Variants in TMEM132D observed in about 807,000 individuals in gnomAD.
The protein encoded by TMEM132D is transmembrane protein 132D.
A neutral mutation model predicts 62.3 loss-of-function variants in TMEM132D; 21 were observed. The observed-to-expected ratio is 0.34, with a 90% CI of 0.24 to 0.49. The LOEUF is 0.49. TMEM132D is among the 20% of genes least tolerant of loss of function. TMEM132D has a pLI of 0.99. For missense variants in TMEM132D, 1,346 were observed against 1,402.8 expected (o/e 0.96, Z 0.65); for synonymous variants, 621 against 575.6 (o/e 1.08, Z -1.13).
At chr12:129,213,579 C>T (rs1879114717) in intron 4 of TMEM132D, among the ~76,000 whole-genome samples, 4 of 152,324 alleles carry the variant, frequency 2.6e-5, no homozygotes, top group South Asian at 2.1e-4. Flanking sequence ...TTGCTTGGTT[C>T]CTGATTCTGC....
chr12:129,101,428 C>T (rs1290082248), intron 5 of TMEM132D, among the ~76,000 whole-genome samples: 1 of 152,104 alleles, frequency 6.6e-6, no homozygotes, highest in Non-Finnish European at 1.5e-5. Context: ...TACTGGAGTC[C>T]CCACCATTCC....
chr12:129,398,415 C>T (rs1871496356), intron 3 of TMEM132D, among the ~76,000 whole-genome samples: 2 of 152,184 alleles, frequency 1.3e-5, no homozygotes, highest in Non-Finnish European at 2.9e-5. Context: ...GAGCTCTTCC[C>T]TGGGGCTCAC....
intron 3 of TMEM132D, among the ~76,000 whole-genome samples, chr12:129,429,477 G>A (rs1045623663): frequency 1.3e-5 from 2 of 152,108 alleles, no homozygotes; most frequent in African/African-American, 4.8e-5. Context: ...GGGAGCTGGT[G>A]CCTTGGCTTC....
At chr12:129,473,330 T>TTTTG (rs1566081292) in intron 3 of TMEM132D, among the ~76,000 whole-genome samples, 2 of 130,426 alleles carry the variant, frequency 1.5e-5, no homozygotes, top group African/African-American at 6.2e-5. Context: ...TTTTGTTTTT[T>TTTTG]TTTTTTTTTT....
rs566154439 is a variant in TMEM132D, at chr12:129,077,567, CACAT to C, written c.2115+963_2115+966del. Among the ~76,000 whole-genome samples, 1,030 of 152,242 alleles carry C rather than the reference CACAT, an allele frequency of 6.8e-3. 14 individuals carry two copies. Among genetic ancestry groups the C allele is most frequent in the African/African-American group, 0.024 (978 of 41,532 alleles). ...ATGCATCACACACATACACACAACA[CACAT>C]ACACATATACATGCACACAGGCACC... On this transcript the variant is annotated intron_variant, in intron 8 of 8. Coordinates refer to ENST00000422113, the MANE Select transcript of TMEM132D (RefSeq NM_133448.3).
At chr12:129,221,723 A>G (rs543025896) in intron 4 of TMEM132D, among the ~76,000 whole-genome samples, 8 of 152,158 alleles carry the variant, frequency 5.3e-5, no homozygotes, top group African/African-American at 1.9e-4. Flanking sequence ...TCAGTAACCT[A>G]ATCAGTAGAA....
intron 4 of TMEM132D, among the ~76,000 whole-genome samples, chr12:129,294,362 C>G (rs1223604561): frequency 6.6e-6 from 1 of 152,120 alleles, no homozygotes; most frequent in Non-Finnish European, 1.5e-5. Context: ...CAATTGCCTT[C>G]CCTATCTGTC....
At chr12:129,182,535 G>A (rs1000890776) in intron 5 of TMEM132D, among the ~76,000 whole-genome samples, 2 of 152,222 alleles carry the variant, frequency 1.3e-5, no homozygotes, top group African/African-American at 4.8e-5. Context: ...ATGTGGAAGG[G>A]AGCGTGCTGG....
intron 3 of TMEM132D, among the ~76,000 whole-genome samples, chr12:129,490,616 T>A (rs1423189590): frequency 7.5e-6 from 1 of 132,620 alleles, no homozygotes; most frequent in East Asian, 2.3e-4. Context: ...TTTTTTTTTT[T>A]TTTTTTTTTT....
At chr12:129,765,189 C>T (rs1870510822) in intron 1 of TMEM132D, among the ~76,000 whole-genome samples, 1 of 152,166 alleles carries the variant, frequency 6.6e-6, no homozygotes, top group Admixed American at 6.5e-5. Context: ...GGGCATCCTT[C>T]AGTTATCTGA....
chr12:129,890,802 G>A (rs1013658479), intron 1 of TMEM132D, among the ~76,000 whole-genome samples: 2 of 152,042 alleles, frequency 1.3e-5, no homozygotes, highest in African/African-American at 2.4e-5. Context: ...ATCATATTAC[G>A]TTTATAATTT....
intron 4 of TMEM132D, among the ~76,000 whole-genome samples, chr12:129,311,779 G>A (rs889382319): frequency 1.3e-5 from 2 of 152,106 alleles, no homozygotes; most frequent in Non-Finnish European, 2.9e-5. Flanking sequence ...CAAGGCACAG[G>A]CCACCACTGA....
At chr12:129,102,484 G>GCA (rs35085030) in intron 5 of TMEM132D, among the ~76,000 whole-genome samples, 46,877 of 149,188 alleles carry the variant, frequency 0.31, 7,810 homozygotes, top group East Asian at 0.43. Flanking sequence ...CTCACACAAT[G>GCA]CACACACACA....
In TMEM132D at chr12:129,269,829, AT is replaced by A. The variant is rs551900684; in HGVS notation, c.1300-60167del. On this transcript the variant is annotated intron_variant, in intron 4 of 8. Transcript: ENST00000422113. ...GCAGAGGCTGGATCTCATTTTTCAC[AT>A]TATATACAGAACCTAGCTACTTGTT... Among the ~76,000 whole-genome samples the A allele has an allele frequency of 2.6e-4, 39 of 152,286 alleles. 2 individuals carry two copies. The South Asian group carries it at 8.1e-3, about 32-fold the overall frequency.
intron 4 of TMEM132D, among the ~76,000 whole-genome samples, chr12:129,304,161 A>G (rs1248814241): frequency 6.6e-6 from 1 of 152,246 alleles, no homozygotes; most frequent in Non-Finnish European, 1.5e-5. Context: ...CAACCATCGC[A>G]GTCTGTAAGC....
chr12:129,817,721 G>A (rs1045835499), intron 1 of TMEM132D, among the ~76,000 whole-genome samples: 6 of 147,910 alleles, frequency 4.1e-5, no homozygotes, highest in African/African-American at 1.5e-4. Context: ...GTGCCTTGGG[G>A]TGTGTGTGGT....
intron 5 of TMEM132D, among the ~76,000 whole-genome samples, chr12:129,169,539 C>A (rs947198078): frequency 2.6e-5 from 4 of 152,206 alleles, no homozygotes. Flanking sequence ...CTATTATTAA[C>A]CACTTTTACT....
intron 2 of TMEM132D, among the ~76,000 whole-genome samples, chr12:129,686,529 C>A (rs754114903): frequency 6.6e-6 from 1 of 152,176 alleles, no homozygotes; most frequent in African/African-American, 2.4e-5. Flanking sequence ...TTATAAATTA[C>A]CCAGTCTTGG....
At chr12:129,276,503 C>A (rs11060230) in intron 4 of TMEM132D, among the ~76,000 whole-genome samples, 1 of 151,918 alleles carries the variant, frequency 6.6e-6, no homozygotes, top group African/African-American at 2.4e-5. Context: ...GCTGTTTGTG[C>A]GGAATTATCC....
Sources: gnomAD v4.1 joint callset for allele counts (sites outside exome capture counted in the v4.1 genomes callset) on GRCh38, gnomAD v4.1.1 for gene constraint, MANE v1.5 for transcripts, NCBI Gene and HGNC (gene_info 2026-07-23, HGNC 2026-07-21) for gene names.